Variants in DNAJC12 observed in about 807,000 individuals in gnomAD.
DNAJC12 encodes DnaJ heat shock protein family (Hsp40) member C12.
Under a neutral mutation model 28.5 loss-of-function variants are expected in DNAJC12, and 25 were observed. The ratio of observed to expected loss-of-function variants is 0.88; its 90% CI spans 0.64 to 1.22. DNAJC12 has a LOEUF of 1.22. DNAJC12 is among the 50% of genes most tolerant of loss of function. The pLI, the probability that DNAJC12 is intolerant of heterozygous loss-of-function variation, is 0.00. For synonymous variants in DNAJC12, 77 were observed against 80.6 expected, an observed-to-expected ratio of 0.95 and a Z score of 0.24; for missense variants, 222 against 231.7, an observed-to-expected ratio of 0.96 and a Z score of 0.27.
intron 3 of DNAJC12, among the ~76,000 whole-genome samples, chr10:67,806,981 G>A (rs1209953523): frequency 1.3e-5 from 2 of 152,038 alleles, no homozygotes; most frequent in African/African-American, 2.4e-5. Context: ...TTGTATTTTA[G>A]GCTGGGCGCA....
chr10:67,809,282 G>C (rs1159676117), intron 3 of DNAJC12, among the ~76,000 whole-genome samples: 1 of 151,874 alleles, frequency 6.6e-6, no homozygotes, highest in Non-Finnish European at 1.5e-5. Context: ...TCCACACCCT[G>C]GGTCTCTTTG....
chr10:67,804,587 G>A (rs1841780369), intron 4 of DNAJC12, among the ~76,000 whole-genome samples: 1 of 152,224 alleles, frequency 6.6e-6, no homozygotes. Context: ...GAGAAGTTAA[G>A]TAACTTTGCC....
intron 4 of DNAJC12, among the ~76,000 whole-genome samples, chr10:67,800,741 C>T (rs1345320410): frequency 6.6e-6 from 1 of 151,912 alleles, no homozygotes; most frequent in South Asian, 2.1e-4. Context: ...GTCAGGAGTT[C>T]GAGACCAGCC....
intron 1 of DNAJC12, chr10:67,825,523 C>T (rs984198560): frequency 6.6e-6 from 1 of 152,212 alleles, no homozygotes; most frequent in African/African-American, 2.4e-5. Flanking sequence ...AGCCCAGAAC[C>T]CTTGGGCTCA....
chr10:67,801,104 A>G (rs1048301583), intron 4 of DNAJC12, among the ~76,000 whole-genome samples: 1 of 152,226 alleles, frequency 6.6e-6, no homozygotes, highest in African/African-American at 2.4e-5. Flanking sequence ...GCAGTGCTCC[A>G]TATTTTACTT....
chr10:67,800,527 G>C (rs1278101047), intron 4 of DNAJC12, among the ~76,000 whole-genome samples: 1 of 152,234 alleles, frequency 6.6e-6, no homozygotes, highest in East Asian at 1.9e-4. Flanking sequence ...TGCCAAGTAG[G>C]CTCCATTGCC....
chr10:67,827,469 C>T (rs1051122188), intron 1 of DNAJC12: 3 of 151,916 alleles, frequency 2.0e-5, no homozygotes, highest in Middle Eastern at 3.1e-3. Context: ...GGTGGATTAT[C>T]TGAGGTCAGG....
At chr10:67,819,719 C>G (rs12570037) in intron 2 of DNAJC12, among the ~76,000 whole-genome samples, 19,227 of 31,724 alleles carry the variant, frequency 0.61, 7,297 homozygotes, top group Non-Finnish European at 0.75. Flanking sequence ...AGGAAGGAAG[C>G]AAGGAAGGAA....
rs1841790103 is a variant in DNAJC12 at position 67,805,436 on chromosome 10, T to C, written c.502+147A>G. ...TGAGGAATACCTTCTAGTTTCGGTGTCAATGCTAAGTGTCTTTTAAGATGA... is the reference window on the plus strand; with the variant it reads ...TGAGGAATACCTTCTAGTTTCGGTGCCAATGCTAAGTGTCTTTTAAGATGA... On this transcript the variant is annotated intron_variant, in intron 4 of 4. Transcript: ENST00000225171. 18 of 829,384 alleles carry C rather than the reference T, an allele frequency of 2.2e-5. No individual in the cohort carries two copies. In the South Asian group the frequency reaches 3.4e-4, roughly 16 times the overall value. 51.4% of individuals were successfully genotyped at this position (829,384 alleles called of 1,614,324 possible).
intron 1 of DNAJC12, among the ~76,000 whole-genome samples, chr10:67,830,560 A>T (rs1340798078): frequency 6.6e-6 from 1 of 151,360 alleles, no homozygotes; most frequent in African/African-American, 2.4e-5. Context: ...GTGAGCTGAG[A>T]TCCCGCCACT....
At chr10:67,833,728 G>T (rs1229683087) in intron 1 of DNAJC12, 5 of 419,120 alleles carry the variant, frequency 1.2e-5, no homozygotes, top group Non-Finnish European at 1.5e-5. Flanking sequence ...GATGATCCAG[G>T]CTCTCGGTAG....
At chr10:67,836,734 C>A (rs963383132) in intron 1 of DNAJC12, among the ~76,000 whole-genome samples, 2 of 151,810 alleles carry the variant, frequency 1.3e-5, no homozygotes, top group Admixed American at 6.6e-5. Flanking sequence ...CTCAGCATGG[C>A]AAAAATAGAG....
At position 67,815,508 on chromosome 10, in the gene DNAJC12, C is replaced by CAAA. The variant is rs762037586; in HGVS notation, c.158-3848_158-3846dup. Among the ~76,000 whole-genome samples, 165 of 65,732 alleles carry CAAA rather than the reference C, an allele frequency of 2.5e-3. 2 individuals are homozygous for CAAA. Among genetic ancestry groups the CAAA allele is most frequent in the African/African-American group, 7.7e-3 (143 of 18,506 alleles). 43.1% of individuals were successfully genotyped at this position (65,732 alleles called of 152,430 possible). The stretch of plus-strand genomic sequence containing the variant: ...GGGCAACAAGAACAATACTTCGTCT[C>CAAA]AAAAAAAAAAAAAAAAAAAGAAAAG... On this transcript the variant is annotated intron_variant, in intron 2 of 4. Transcript: ENST00000225171.
At chr10:67,825,445 G>A (rs977914030) in intron 1 of DNAJC12, 1 of 152,514 alleles carries the variant, frequency 6.6e-6, no homozygotes, top group East Asian at 1.9e-4. Context: ...TAGGCAACCT[G>A]GTGGTCTCCC....
At chr10:67,802,517 TA>T (rs1230725139) in intron 4 of DNAJC12, among the ~76,000 whole-genome samples, 1 of 152,190 alleles carries the variant, frequency 6.6e-6, no homozygotes, top group African/African-American at 2.4e-5. Context: ...CTCTTTCTAA[TA>T]AAACCCCCAA....
intron 1 of DNAJC12, chr10:67,825,245 C>G (rs1245562494): frequency 6.6e-6 from 1 of 152,226 alleles, no homozygotes; most frequent in Non-Finnish European, 1.5e-5. Context: ...CAGCTAGTTA[C>G]TAAAAAGAGC....
chr10:67,798,041 GAA>G (rs1186393477), intron 4 of DNAJC12, among the ~76,000 whole-genome samples: 9 of 101,394 alleles, frequency 8.9e-5, no homozygotes, highest in Admixed American at 3.2e-4. Flanking sequence ...TTCTGTCTCA[GAA>G]AAAAAAAAAA....
intron 1 of DNAJC12, 115 bp downstream of exon 1, chr10:67,837,819 G>A (rs1842154361): frequency 1.5e-6 from 1 of 685,834 alleles, no homozygotes; most frequent in Non-Finnish European, 2.3e-6. Context: ...ACAACACAAG[G>A]TTAGGTTTGT....
At chr10:67,829,746 A>G (rs1003716745) in intron 1 of DNAJC12, among the ~76,000 whole-genome samples, 1 of 152,156 alleles carries the variant, frequency 6.6e-6, no homozygotes, top group Non-Finnish European at 1.5e-5. Flanking sequence ...CTTACAACCT[A>G]TATGTCCAAT....
Sources: gnomAD v4.1 joint callset for allele counts (sites outside exome capture counted in the v4.1 genomes callset) on GRCh38, gnomAD v4.1.1 for gene constraint, MANE v1.5 for transcripts, NCBI Gene and HGNC (gene_info 2026-07-23, HGNC 2026-07-21) for gene names.